The following DPP10 variants were observed in gnomAD, a reference collection of about 807,000 sequenced individuals.
DPP10 encodes inactive dipeptidyl peptidase 10.
DPP10 carries 33 observed loss-of-function variants against 120.9 expected under a neutral mutation model. The ratio of observed to expected loss-of-function variants is 0.27; its 90% confidence interval spans 0.21 to 0.37. The LOEUF (loss-of-function observed/expected upper bound fraction) is 0.37, where lower values mean the gene tolerates loss of function less well. Ranked by LOEUF, DPP10 falls within the 10% of genes least tolerant of loss-of-function variation. The pLI is 1.00. For missense variants in DPP10, 816 were observed against 942.8 expected, an observed-to-expected ratio of 0.87 and a Z score of 1.76; for synonymous variants, 337 against 326.1, an observed-to-expected ratio of 1.03 and a Z score of -0.36.
chr2:115,263,801 T>C (rs1465475417), intron 1 of DPP10, among the ~76,000 whole-genome samples: 6 of 152,214 alleles, frequency 3.9e-5, no homozygotes, highest in African/African-American at 1.2e-4. Flanking sequence ...ATATACATGT[T>C]AGATAGCGTT....
intron 8 of DPP10, among the ~76,000 whole-genome samples, chr2:115,732,900 A>G (rs759821125): frequency 6.6e-6 from 1 of 152,182 alleles, no homozygotes; most frequent in African/African-American, 2.4e-5. Context: ...ACGGGTTTCC[A>G]TGTCTTGGGT....
chr2:114,509,141 T>C (rs1485356580), intron 1 of DPP10, among the ~76,000 whole-genome samples: 1 of 152,226 alleles, frequency 6.6e-6, no homozygotes, highest in African/African-American at 2.4e-5. Flanking sequence ...CTTTCAGTAC[T>C]GTAAGATGCC....
chr2:115,091,190 A>G (rs1709224644), intron 1 of DPP10, among the ~76,000 whole-genome samples: 1 of 152,184 alleles, frequency 6.6e-6, no homozygotes, highest in South Asian at 2.1e-4. Flanking sequence ...GCCCTCCAGC[A>G]AGGTTCCACT....
intron 5 of DPP10, among the ~76,000 whole-genome samples, chr2:115,660,464 G>A (rs1283481922): frequency 1.3e-5 from 2 of 152,104 alleles, no homozygotes; most frequent in African/African-American, 4.8e-5. Context: ...ATCTCCAGGG[G>A]ATGGAGATTT....
At chr2:114,634,037 CT>C (rs1266909752) in intron 1 of DPP10, among the ~76,000 whole-genome samples, 1 of 151,872 alleles carries the variant, frequency 6.6e-6, no homozygotes, top group East Asian at 1.9e-4. Context: ...GGAATACAAG[CT>C]TTGCAGATAG....
At chr2:115,748,229 G>T (rs1394914703) in intron 10 of DPP10, among the ~76,000 whole-genome samples, 4 of 145,962 alleles carry the variant, frequency 2.7e-5, no homozygotes, top group African/African-American at 7.6e-5. Flanking sequence ...ATGTTTATGG[G>T]TTTTTTTTTT....
At chr2:114,744,916 C>A (rs1015773518) in intron 1 of DPP10, among the ~76,000 whole-genome samples, 1 of 152,110 alleles carries the variant, frequency 6.6e-6, no homozygotes, top group Non-Finnish European at 1.5e-5. Flanking sequence ...TGCCCATTAC[C>A]ACGTCTGGCC....
At chr2:114,955,731 A>G (rs906540668) in intron 1 of DPP10, among the ~76,000 whole-genome samples, 1 of 152,180 alleles carries the variant, frequency 6.6e-6, no homozygotes, top group African/African-American at 2.4e-5. Flanking sequence ...CAGCACATTG[A>G]AGCAATTATT....
chr2:115,636,600 G>C (rs757073915), intron 5 of DPP10, among the ~76,000 whole-genome samples: 1 of 151,876 alleles, frequency 6.6e-6, no homozygotes, highest in Non-Finnish European at 1.5e-5. Flanking sequence ...GACAGAAAAA[G>C]AGAGAGAGTG....
intron 1 of DPP10, among the ~76,000 whole-genome samples, chr2:114,844,921 C>T (rs879696195): frequency 2.0e-5 from 3 of 152,038 alleles, no homozygotes; most frequent in South Asian, 2.1e-4. Context: ...ATATCACATA[C>T]CCATTCCCAG....
Position 114,843,088 on chromosome 2 carries a change from T to C in DPP10, c.60+400250T>C, listed in dbSNP as rs1046161737. Among the ~76,000 whole-genome samples, 6 of 152,282 alleles carry C rather than the reference T, an allele frequency of 3.9e-5. No individual in the cohort carries two copies. The East Asian group carries it at 1.2e-3, about 29-fold the overall frequency. On this transcript the variant is annotated intron_variant, in intron 1 of 25. Transcript: ENST00000410059. ...TCAAATAAACAAACTAAAACGTGTT[T>C]GAGACTCTTGCTATGAATATGACCT...
At position 115,208,719 on chromosome 2, in the gene DPP10, A is replaced by T. The variant is rs778732084; in HGVS notation, c.61-100520A>T. The stretch of plus-strand genomic sequence containing the variant: ...TGTTATGGTGTTGGAGAAATGGACA[A>T]GGTTGTGGGTGGCTCTGCAACCACA... On this transcript the variant is annotated intron_variant, in intron 1 of 25. Transcript: ENST00000410059. 1.5e-3 allele frequency among the ~76,000 whole-genome samples: 225 copies of T among 152,102 alleles called. 1 individual carries two copies. Among genetic ancestry groups the T allele is most frequent in the Admixed American group, 2.5e-3 (38 of 15,264 alleles).
chr2:114,840,494 C>T (rs1345583492), intron 1 of DPP10, among the ~76,000 whole-genome samples: 3 of 152,022 alleles, frequency 2.0e-5, no homozygotes, highest in Non-Finnish European at 1.5e-5. Context: ...ACTAAAAAGA[C>T]CTCGAATTTT....
intron 3 of DPP10, among the ~76,000 whole-genome samples, chr2:115,497,896 A>G (rs530030398): frequency 2.0e-5 from 3 of 152,242 alleles, no homozygotes; most frequent in East Asian, 3.9e-4. Context: ...TTGTTTATGT[A>G]AATCTGTTAT....
chr2:114,844,084 T>A (rs188223044), intron 1 of DPP10, among the ~76,000 whole-genome samples: 1 of 152,244 alleles, frequency 6.6e-6, no homozygotes, highest in Admixed American at 6.6e-5. Flanking sequence ...ACTGCTTTGA[T>A]CCCTTTTAGT....
At chr2:115,235,205 A>G (rs985998767) in intron 1 of DPP10, among the ~76,000 whole-genome samples, 2 of 152,200 alleles carry the variant, frequency 1.3e-5, no homozygotes, top group Admixed American at 1.3e-4. Flanking sequence ...CTTTGTAAGA[A>G]TAATATGAGC....
intron 3 of DPP10, among the ~76,000 whole-genome samples, chr2:115,465,239 C>T (rs2074248124): frequency 6.6e-6 from 1 of 152,114 alleles, no homozygotes; most frequent in African/African-American, 2.4e-5. Context: ...TAGCTTTGCA[C>T]GTAATGCTGT....
At chr2:114,532,296 T>C (rs200595595) in intron 1 of DPP10, among the ~76,000 whole-genome samples, 27,800 of 70,608 alleles carry the variant, frequency 0.39, 5,018 homozygotes, top group East Asian at 0.48. Context: ...TATATATATA[T>C]ACACACACAC....
At chr2:114,970,912 C>T (rs1699349212) in intron 1 of DPP10, among the ~76,000 whole-genome samples, 4 of 152,202 alleles carry the variant, frequency 2.6e-5, no homozygotes, top group Admixed American at 6.5e-5. Flanking sequence ...AAGTTAGTTC[C>T]ATCTAACTAA....
Sources: gnomAD v4.1 joint callset for allele counts (sites outside exome capture counted in the v4.1 genomes callset) on GRCh38, gnomAD v4.1.1 for gene constraint, MANE v1.5 for transcripts, NCBI Gene and HGNC (gene_info 2026-07-23, HGNC 2026-07-21) for gene names.